The following SPTAN1 variants were observed in gnomAD, a reference collection of about 807,000 sequenced individuals.
SPTAN1 encodes spectrin alpha, non-erythrocytic 1.
Under a neutral mutation model 331.3 loss-of-function variants are expected in SPTAN1, and 61 were observed. That is an observed-to-expected ratio of 0.18 (90% CI 0.15 to 0.23). The LOEUF (loss-of-function observed/expected upper bound fraction) is 0.23. Among genes scored for constraint, SPTAN1 ranks in the 10% least tolerant of loss-of-function variants. The probability of loss-of-function intolerance (pLI) is 1.00; values close to 1 mark genes in which losing one functional copy is unlikely to be tolerated. For missense variants in SPTAN1, 2,043 were observed against 3,147.9 expected, an observed-to-expected ratio of 0.65 and a Z score of 8.40; for synonymous variants, 1,153 against 1,173.9, an observed-to-expected ratio of 0.98 and a Z score of 0.36.
At chr9:128,590,687 T>TA (rs1853368577) in intron 21 of SPTAN1, among the ~76,000 whole-genome samples, 1 of 151,362 alleles carries the variant, frequency 6.6e-6, no homozygotes, top group East Asian at 2.0e-4. Flanking sequence ...CCGTCTCTAC[T>TA]AAAATACAAA....
chr9:128,605,570 A>G, intron 31 of SPTAN1, 93 bp downstream of exon 31: 3 of 1,473,394 alleles, frequency 2.0e-6, no homozygotes, highest in Non-Finnish European at 2.8e-6. Context: ...TCAGCAGGGT[A>G]CAATGGCTCA....
At chr9:128,581,480 A>C (rs1851935835) in intron 11 of SPTAN1, among the ~76,000 whole-genome samples, 1 of 151,240 alleles carries the variant, frequency 6.6e-6, no homozygotes, top group Admixed American at 6.6e-5. Flanking sequence ...CTCACAAAAA[A>C]AAAAAAAACA....
chr9:128,570,330 A>ATT (rs541960678), intron 3 of SPTAN1, among the ~76,000 whole-genome samples: 1 of 71,894 alleles, frequency 1.4e-5, no homozygotes, highest in African/African-American at 5.9e-5. Flanking sequence ...ATATATATAT[A>ATT]TTTTTTTTTT....
intron 3 of SPTAN1, among the ~76,000 whole-genome samples, chr9:128,571,127 A>G (rs1256537807): frequency 6.6e-6 from 1 of 152,118 alleles, no homozygotes; most frequent in East Asian, 1.9e-4. Context: ...GTCTCTACAA[A>G]AAAAATTTAA....
intron 41 of SPTAN1, 144 bp downstream of exon 41, chr9:128,615,984 T>G (rs1857116554): frequency 1.2e-6 from 1 of 855,900 alleles, no homozygotes; most frequent in East Asian, 2.6e-5. Flanking sequence ...GATGCCTCAG[T>G]GTCTTCTGCT....
intron 24 of SPTAN1, among the ~76,000 whole-genome samples, chr9:128,597,939 G>A (rs553560692): frequency 1.3e-4 from 17 of 133,484 alleles, no homozygotes; most frequent in South Asian, 1.2e-3. Flanking sequence ...GTGAGCCACC[G>A]CACCCGGCCT....
intron 41 of SPTAN1, among the ~76,000 whole-genome samples, chr9:128,616,697 G>T (rs1028494179): frequency 1.3e-5 from 2 of 151,946 alleles, no homozygotes; most frequent in East Asian, 4.0e-4. Context: ...AACCAGGGAG[G>T]CGGAGGTTGC....
intron 1 of SPTAN1, among the ~76,000 whole-genome samples, chr9:128,558,478 A>G (rs1193411547): frequency 6.6e-6 from 1 of 152,212 alleles, no homozygotes; most frequent in Non-Finnish European, 1.5e-5. Flanking sequence ...GATTGGCAAA[A>G]TCAGAGACAG....
intron 1 of SPTAN1, among the ~76,000 whole-genome samples, chr9:128,565,255 C>T (rs1849884774): frequency 6.6e-6 from 1 of 152,166 alleles, no homozygotes; most frequent in Non-Finnish European, 1.5e-5. Flanking sequence ...GAGCTGAGAT[C>T]ATGCCATTGC....
rs756189269 is a variant in SPTAN1, at chr9:128,603,563, C to T, written c.3600C>T (p.His1200=). 6.2e-7 allele frequency: 1 copy of T among 1,614,230 alleles called. No homozygotes were observed. The highest frequency in any genetic ancestry group is 1.3e-5 in the African/African-American group (1 of 75,064). The change falls in exon 28 of 57, where the codon CAC becomes CAT. Residue 1200 remains histidine (H), a synonymous_variant. Coordinates refer to ENST00000372739, the MANE Select transcript of SPTAN1 (RefSeq NM_001130438.3). ...CCTAGTCTGCTCGTCTGATGGTTCA[C>T]ACCGTGGCCACCTTTAATTCCATCA... ...SPWKSARLMV[H]TVATFNSIKE...
At chr9:128,594,082 C>A in intron 23 of SPTAN1, 93 bp from the exon 24 acceptor site, 2 of 1,212,966 alleles carry the variant, frequency 1.6e-6, no homozygotes, top group African/African-American at 1.5e-5. Context: ...CTGGAATCCA[C>A]ATCTTGGAGA....
In SPTAN1 at chr9:128,591,350, G is replaced by A. The variant is rs1853489824; in HGVS notation, c.3007-127G>A. 4 of 1,201,070 alleles carry A rather than the reference G, an allele frequency of 3.3e-6. No homozygotes were observed. The South Asian group carries it at 3.7e-5, about 11-fold the overall frequency. 74.4% of individuals were successfully genotyped at this position (1,201,070 alleles called of 1,614,324 possible). A position where few individuals can be genotyped will look rare whatever the true frequency, so the allele number is the denominator to read the frequency against. ...CAAAGTGCTGGGATTATAGGTGTGA[G>A]CCACTGTGGCCGGCCGTTTTGGACC... is the stretch of plus-strand genomic sequence containing the variant. On this transcript the variant is annotated intron_variant, in intron 21 of 56. Transcript: ENST00000372739.
At chr9:128,613,585 T>G in intron 40 of SPTAN1, 100 bp downstream of exon 40, 1 of 982,106 alleles carries the variant, frequency 1.0e-6, no homozygotes, top group South Asian at 1.3e-5. Flanking sequence ...GTGACTTCTT[T>G]CACTTAAAGC....
intron 1 of SPTAN1, among the ~76,000 whole-genome samples, chr9:128,564,681 AGT>A (rs2132903169): frequency 6.6e-6 from 1 of 152,318 alleles, no homozygotes; most frequent in African/African-American, 2.4e-5. Context: ...TCTATAGAGA[AGT>A]GTGATTACGT....
chr9:128,577,214 C>A lies in SPTAN1; in HGVS notation c.871C>A (p.Gln291Lys). 6.2e-7 allele frequency: 1 copy of A among 1,614,190 alleles called. No individual in the cohort carries two copies. The highest frequency in any genetic ancestry group is 8.5e-7 in the Non-Finnish European group (1 of 1,180,034). The change falls in exon 7 of 57, where the codon CAG becomes AAG. Residue 291 changes from glutamine to lysine, a missense_variant. By Grantham distance (53) the Gln-to-Lys change is moderately conservative. This residue lies in a region of SPTAN1 where 1,038 missense variants were observed against 1,531.5 expected (regional missense o/e 0.68). Transcript: ENST00000372739. This position sits in a 1 kb window ranked among gnomAD's most constrained non-coding sequence, Gnocchi z 4.2. ...TTTTGGCCGAGACCTGGCAAGTGTTCAGGCTCTGCTTCGGAAGCACGAGGG... is the reference window on the plus strand; with the variant it reads ...TTTTGGCCGAGACCTGGCAAGTGTTAAGGCTCTGCTTCGGAAGCACGAGGG... ...DDFGRDLASV[Q>K]ALLRKHEGLE...
rs1234102957 is a variant in SPTAN1, at chr9:128,566,821, C to T, written c.81C>T (p.His27=). Residue 27 remains histidine (H), a synonymous_variant, in exon 2 of 57, where the codon CAC becomes CAT. Coordinates refer to ENST00000372739, the MANE Select transcript of SPTAN1 (RefSeq NM_001130438.3). The stretch of plus-strand genomic sequence containing the variant: ...GGCAGCAGGTCCTAGACCGATACCA[C>T]CGCTTCAAGGAACTCTCAACCCTTA... The part of the protein sequence containing the change: ...ERRQQVLDRY[H]RFKELSTLRR... 2.5e-6 allele frequency: 4 copies of T among 1,614,080 alleles called. No individual in the cohort carries two copies. The highest frequency in any genetic ancestry group is 2.5e-6 in the Non-Finnish European group (3 of 1,180,044).
intron 22 of SPTAN1, among the ~76,000 whole-genome samples, chr9:128,592,277 CTT>C (rs66475636): frequency 4.4e-3 from 608 of 138,854 alleles, no homozygotes; most frequent in East Asian, 7.3e-3. Context: ...GGTTTGTGTT[CTT>C]TTTTTTTTTT....
Position 128,633,306 on chromosome 9 carries a change from A to C in SPTAN1, c.7406A>C (p.Glu2469Ala), listed in dbSNP as rs1860133867. 1 of 1,613,970 alleles carries C rather than the reference A, an allele frequency of 6.2e-7. No individual in the cohort carries two copies. Among genetic ancestry groups the C allele is most frequent in the Non-Finnish European group, 8.5e-7 (1 of 1,180,024 alleles). The change falls in exon 57 of 57, where the codon GAG (glutamate) becomes GCG (alanine). Residue 2469 changes from glutamate to alanine, a missense_variant. Transcript: ENST00000372739. ...RELPTAFDYVEFTRSLFVN is the reference protein window; with the variant it reads ...RELPTAFDYVAFTRSLFVN ...CTCCCCACCGCGTTCGACTACGTGG[A>C]GTTCACCCGCTCGCTTTTCGTGAAC...
At chr9:128,560,911 G>A (rs542558608) in intron 1 of SPTAN1, among the ~76,000 whole-genome samples, 1 of 151,582 alleles carries the variant, frequency 6.6e-6, no homozygotes, top group South Asian at 2.1e-4. Context: ...AGCTACTGGG[G>A]AGGCTGAGGC....
Sources: gnomAD v4.1 joint callset for allele counts (sites outside exome capture counted in the v4.1 genomes callset) on GRCh38, gnomAD v4.1.1 for gene constraint, gnomAD v4.1.1 regional missense constraint, Gnocchi (gnomAD v3.1) non-coding constraint, MANE v1.5 for transcripts, NCBI Gene and HGNC (gene_info 2026-07-23, HGNC 2026-07-21) for gene names.